Variants in MYLK3 observed in about 807,000 individuals in gnomAD.
MYLK3 encodes myosin light chain kinase 3.
A neutral mutation model predicts 76.3 loss-of-function variants in MYLK3; 55 were observed. The ratio of observed to expected loss-of-function variants is 0.72; its 90% CI spans 0.58 to 0.90. The LOEUF (loss-of-function observed/expected upper bound fraction) is 0.90. MYLK3 is among the 40% of genes least tolerant of loss of function. MYLK3 has a pLI of 0.00. For missense variants in MYLK3, 973 were observed against 1,053.6 expected (o/e 0.92, Z 1.06); for synonymous variants, 416 against 425.4 (o/e 0.98, Z 0.27).
rs374457711 is a variant in MYLK3 at position 46,721,573 on chromosome 16, G to T, written c.1915-380C>A. 2.3e-4 allele frequency among the ~76,000 whole-genome samples: 35 copies of T among 152,258 alleles called. No individual in the cohort carries two copies. In the East Asian group the frequency reaches 5.2e-3, roughly 23 times the overall value. ...AACAGAGATGGGGTCTCGCCATGTT[G>T]CCCAGGCCTGTCTCGAATTGCTGGG... is the stretch of plus-strand genomic sequence containing the variant. On this transcript the variant is annotated intron_variant, in intron 8 of 12. Coordinates refer to ENST00000394809, the MANE Select transcript of MYLK3 (RefSeq NM_182493.3).
At chr16:46,740,551 A>ATAT (rs1330740991) in intron 1 of MYLK3, among the ~76,000 whole-genome samples, 14,032 of 128,460 alleles carry the variant, frequency 0.11, 1,053 homozygotes, top group African/African-American at 0.14. Flanking sequence ...ATATATATAT[A>ATAT]TTTTTTTTTT....
At chr16:46,712,473 A>G (rs987585802) in intron 10 of MYLK3, among the ~76,000 whole-genome samples, 175 bp downstream of exon 10, 4 of 152,118 alleles carry the variant, frequency 2.6e-5, no homozygotes, top group African/African-American at 4.8e-5. Context: ...GCTTGATAAC[A>G]TACCCTTCCC....
intron 9 of MYLK3, among the ~76,000 whole-genome samples, chr16:46,718,462 G>A (rs972501036): frequency 1.3e-5 from 2 of 152,126 alleles, no homozygotes; most frequent in African/African-American, 4.8e-5. Context: ...ACTGCAAATG[G>A]GTAATGTTTA....
In MYLK3 at chr16:46,721,191, C is replaced by T. The variant is rs766101869; in HGVS notation, c.1917G>A (p.Pro639=). The change falls in exon 9 of 13, where the codon CCG becomes CCA. Residue 639 remains proline, a splice_region_variant and synonymous_variant. Coordinates refer to ENST00000394809, the MANE Select transcript of MYLK3 (RefSeq NM_182493.3). The part of the protein sequence containing the change: ...QHYILHLDLK[P]ENILCVNQTG... ...TCTGATTGACGCACAATATGTTCTC[C>T]GGCTGGGAAAGAAAGAAGTCTGCTT... The T allele has an allele frequency of 2.7e-5, 44 of 1,614,166 alleles. No homozygotes were observed. Among genetic ancestry groups the T allele is most frequent in the Middle Eastern group, 3.3e-4 (2 of 6,062 alleles).
chr16:46,762,482 G>T (rs1332674002), intron 1 of MYLK3, among the ~76,000 whole-genome samples: 2 of 152,156 alleles, frequency 1.3e-5, no homozygotes, highest in Non-Finnish European at 2.9e-5. Flanking sequence ...ACTCCCGCAG[G>T]ACCCCAGCTG....
intron 1 of MYLK3, among the ~76,000 whole-genome samples, chr16:46,746,491 G>C (rs1183099389): frequency 6.6e-6 from 1 of 152,132 alleles, no homozygotes; most frequent in South Asian, 2.1e-4. Flanking sequence ...CACAAACATA[G>C]CTCACCGAAG....
upstream of MYLK3, among the ~76,000 whole-genome samples, chr16:46,752,650 G>A (rs1463807771): frequency 6.6e-6 from 1 of 152,158 alleles, no homozygotes; most frequent in Non-Finnish European, 1.5e-5. Context: ...GAGGCAGGAG[G>A]ATTGCTTGAG....
In MYLK3 at chr16:46,729,071, G is replaced by A. The variant is rs771788858; in HGVS notation, c.1725C>T (p.Leu575=). The change falls in exon 7 of 13, where the codon CTC becomes CTT. Residue 575 remains leucine (L), a synonymous_variant. Coordinates refer to ENST00000394809, the MANE Select transcript of MYLK3 (RefSeq NM_182493.3). ...NQLSHVNLIQ[L]YDAFESKHSC... is the part of the protein sequence containing the mutation. ...TGTGCTTGCTCTCGAAGGCGTCATAGAGCTGGATCAGGTTCACGTGGCTGA... is the reference window on the plus strand; with the variant it reads ...TGTGCTTGCTCTCGAAGGCGTCATAAAGCTGGATCAGGTTCACGTGGCTGA... The A allele has an allele frequency of 6.2e-7, 1 of 1,614,186 alleles. No homozygotes were observed. Among genetic ancestry groups the A allele is most frequent in the Non-Finnish European group, 8.5e-7 (1 of 1,179,988 alleles).
At chr16:46,738,654 GTTTCTCTA>G (rs1966885791) in intron 2 of MYLK3, among the ~76,000 whole-genome samples, 1 of 152,220 alleles carries the variant, frequency 6.6e-6, no homozygotes, top group Admixed American at 6.5e-5. Flanking sequence ...CTGGCATCCT[GTTTCTCTA>G]AGAAGGGAGC....
At chr16:46,710,616 G>A (rs748498683) in intron 11 of MYLK3, 21 bp downstream of exon 11, 63 of 1,613,666 alleles carry the variant, frequency 3.9e-5, no homozygotes, top group Non-Finnish European at 5.3e-5. Context: ...GGGCCCATGA[G>A]TGACAAGCAA....
At chr16:46,709,714 C>G (rs1011487244) in intron 11 of MYLK3, 43 bp from the exon 12 acceptor site, 2 of 1,596,700 alleles carry the variant, frequency 1.3e-6, no homozygotes, top group East Asian at 4.5e-5. Flanking sequence ...TTGGAGTTGC[C>G]TTTTCTCATC....
In MYLK3 at chr16:46,732,238, G is replaced by A. The variant is rs1373280769; in HGVS notation, c.1432C>T (p.Pro478Ser). Residue 478 changes from proline (P) to serine (S), a missense_variant, in exon 4 of 13, where the codon CCA (proline) becomes TCA (serine). Physicochemically the swap from Pro to Ser is moderately conservative, Grantham distance 74 (BLOSUM62 -1). Coordinates refer to ENST00000394809, the MANE Select transcript of MYLK3 (RefSeq NM_182493.3). ...ACCACGCTGCCAGCCTCGGCGCCTGGGGGCATCCTCCTTACTGCTTCAGCT... is the reference window on the plus strand; with the variant it reads ...ACCACGCTGCCAGCCTCGGCGCCTGAGGGCATCCTCCTTACTGCTTCAGCT... ...VRAEAVRRMP[P>S]GAEAGSVVLD... 2 of 1,594,002 alleles carry A rather than the reference G, an allele frequency of 1.3e-6. No individual in the cohort carries two copies. The highest frequency in any genetic ancestry group is 3.4e-5 in the Admixed American group (2 of 59,570).
intron 7 of MYLK3, among the ~76,000 whole-genome samples, chr16:46,728,487 G>A (rs1468266242): frequency 6.6e-6 from 1 of 152,210 alleles, no homozygotes; most frequent in African/African-American, 2.4e-5. Flanking sequence ...TTGGGAAGCT[G>A]AGGCAGAAGT....
rs752827965 is a variant in MYLK3 at position 46,738,037 on chromosome 16, C to T, written c.675G>A (p.Gln225=). 13 of 1,611,806 alleles carry T rather than the reference C, an allele frequency of 8.1e-6. No individual in the cohort carries two copies. The highest frequency in any genetic ancestry group is 1.7e-5 in the Admixed American group (1 of 59,976). The change falls in exon 3 of 13, where the codon CAG becomes CAA. Residue 225 remains glutamine (Q), a synonymous_variant. Coordinates refer to ENST00000394809, the MANE Select transcript of MYLK3 (RefSeq NM_182493.3). ...GGGCTGGGCCAGGAACACCATCTCC[C>T]TGGCCCGGTGAGACCACTGCCTGGG... ...DPAQAVVSPG[Q]GDGVPGPAQA...
At chr16:46,732,749 G>T in intron 3 of MYLK3, 81 bp from the exon 4 acceptor site, 5 of 1,144,412 alleles carry the variant, frequency 4.4e-6, no homozygotes, top group Non-Finnish European at 6.0e-6. Context: ...AATGCCCACT[G>T]CTGCCATCAT....
At chr16:46,710,942 G>A in intron 10 of MYLK3, 153 bp from the exon 11 acceptor site, 2 of 816,412 alleles carry the variant, frequency 2.4e-6, no homozygotes, top group Non-Finnish European at 3.9e-6. Flanking sequence ...ACAGGATGGA[G>A]TCCAGTGTGT....
At chr16:46,735,470 T>A (rs1003060694) in intron 3 of MYLK3, among the ~76,000 whole-genome samples, 4 of 152,122 alleles carry the variant, frequency 2.6e-5, no homozygotes, top group Non-Finnish European at 4.4e-5. Flanking sequence ...CCTCCCAAAG[T>A]GCTGGGATTA....
At chr16:46,726,492 G>GAGGTCC (rs1966840571) in intron 8 of MYLK3, 1 of 151,656 alleles carries the variant, frequency 6.6e-6, no homozygotes, top group Non-Finnish European at 1.5e-5. Context: ...TTAAGCCTGG[G>GAGGTCC]AGGTCCAGGC....
At chr16:46,716,685 C>T (rs897301166) in intron 9 of MYLK3, among the ~76,000 whole-genome samples, 10 of 152,170 alleles carry the variant, frequency 6.6e-5, no homozygotes, top group African/African-American at 2.4e-4. Context: ...TCAAAAGACT[C>T]TCATTCTAGA....
Sources: gnomAD v4.1 joint callset for allele counts (sites outside exome capture counted in the v4.1 genomes callset) on GRCh38, gnomAD v4.1.1 for gene constraint, MANE v1.5 for transcripts, NCBI Gene and HGNC (gene_info 2026-07-23, HGNC 2026-07-21) for gene names.